CWC27: variants seen among roughly 807,000 people sequenced by gnomAD.
CWC27 encodes spliceosome-associated protein CWC27 homolog.
In CWC27, 47 loss-of-function variants were observed where a neutral mutation model predicts 63.6. The observed-to-expected ratio is 0.74, with a 90% CI of 0.58 to 0.94. The LOEUF is 0.94. CWC27 is among the 40% of genes least tolerant of loss of function. The probability of loss-of-function intolerance (pLI) is 0.00; values close to 1 mark genes in which losing one functional copy is unlikely to be tolerated. For synonymous variants in CWC27, 175 were observed against 179.8 expected (o/e 0.97, Z 0.22); for missense variants, 495 against 554.3 (o/e 0.89, Z 1.07).
At chr5:65,005,426 T>A (rs1749824058) in intron 13 of CWC27, among the ~76,000 whole-genome samples, 1 of 152,054 alleles carries the variant, frequency 6.6e-6, no homozygotes, top group African/African-American at 2.4e-5. Context: ...ATGACACCTG[T>A]GGGCATTGGC....
At chr5:64,770,945 A>G (rs1220069982) in intron 1 of CWC27, among the ~76,000 whole-genome samples, 1 of 152,232 alleles carries the variant, frequency 6.6e-6, no homozygotes, top group Non-Finnish European at 1.5e-5. Flanking sequence ...ATCAATTGCC[A>G]GGCTCTATGC....
intron 7 of CWC27, among the ~76,000 whole-genome samples, chr5:64,791,588 A>G (rs937631899): frequency 6.6e-6 from 1 of 152,032 alleles, no homozygotes; most frequent in African/African-American, 2.4e-5. Context: ...TTATCCTAGT[A>G]TTGTGTCATC....
At chr5:64,839,938 G>A (rs191914678) in intron 10 of CWC27, among the ~76,000 whole-genome samples, 1 of 152,046 alleles carries the variant, frequency 6.6e-6, no homozygotes, top group African/African-American at 2.4e-5. Context: ...TCCTATAAAG[G>A]GACATTGTAA....
chr5:65,018,225 A>G lies in CWC27; in HGVS notation c.1323A>G (p.Ser441=), dbSNP rs1750084762. The G allele has an allele frequency of 6.2e-7, 1 of 1,610,522 alleles. No individual in the cohort carries two copies. The highest frequency in any genetic ancestry group is 8.5e-7 in the Non-Finnish European group (1 of 1,178,720). The change falls in exon 14 of 14, where the codon TCA becomes TCG. Residue 441 remains serine, a synonymous_variant. Transcript: ENST00000381070. ...RKVKDASMQD[S]DTFEIYDPRN... Reference sequence around the variant, plus strand: ...TGAAAGATGCAAGCATGCAAGACTCAGATACATTTGAAATCTATGATCCTC... The same window carrying G: ...TGAAAGATGCAAGCATGCAAGACTCGGATACATTTGAAATCTATGATCCTC...
At chr5:64,907,546 G>C (rs1747677092) in intron 11 of CWC27, among the ~76,000 whole-genome samples, 1 of 152,178 alleles carries the variant, frequency 6.6e-6, no homozygotes, top group African/African-American at 2.4e-5. Flanking sequence ...TTGCTTATCA[G>C]CTTAAGGAGA....
intron 11 of CWC27, among the ~76,000 whole-genome samples, chr5:64,934,158 T>C (rs563563363): frequency 6.6e-6 from 1 of 152,298 alleles, no homozygotes; most frequent in African/African-American, 2.4e-5. Context: ...AACGTGCAGG[T>C]TTGTTACATA....
At chr5:64,985,842 C>A in intron 13 of CWC27, among the ~76,000 whole-genome samples, 1 of 152,132 alleles carries the variant, frequency 6.6e-6, no homozygotes, top group East Asian at 1.9e-4. Context: ...TGGGGAAAAG[C>A]CTTCAGTCTT....
chr5:64,843,526 C>T (rs929403592), intron 10 of CWC27, among the ~76,000 whole-genome samples: 1 of 152,074 alleles, frequency 6.6e-6, no homozygotes, highest in Admixed American at 6.6e-5. Flanking sequence ...ACATAACTCC[C>T]AGGAGAGATT....
chr5:64,851,449 A>G (rs1304890349), intron 10 of CWC27, among the ~76,000 whole-genome samples: 1 of 152,184 alleles, frequency 6.6e-6, no homozygotes. Flanking sequence ...CAGGAGTGAT[A>G]TGTTGTTGGT....
intron 11 of CWC27, among the ~76,000 whole-genome samples, chr5:64,895,899 A>T (rs1747362159): frequency 6.6e-6 from 1 of 152,332 alleles, no homozygotes; most frequent in Admixed American, 6.5e-5. Flanking sequence ...AACAGATTGG[A>T]AACCTGGAAG....
chr5:64,993,590 G>A (rs1428405185), intron 13 of CWC27, among the ~76,000 whole-genome samples: 1 of 151,674 alleles, frequency 6.6e-6, no homozygotes, highest in African/African-American at 2.4e-5. Context: ...GAGGAGGAGA[G>A]TGGACAAGAT....
chr5:64,781,789 C>A (rs1743699918), intron 2 of CWC27, 132 bp from the exon 3 acceptor site: 1 of 467,132 alleles, frequency 2.1e-6, no homozygotes. Context: ...AAGGAGGATA[C>A]AAAAGGTTTT....
intron 11 of CWC27, among the ~76,000 whole-genome samples, chr5:64,898,509 A>G (rs768047575): frequency 7.2e-5 from 11 of 152,310 alleles, no homozygotes; most frequent in South Asian, 4.1e-4. Context: ...ACTTTGTTGT[A>G]TCAGACATTT....
intron 9 of CWC27, 79 bp from the exon 10 acceptor site, chr5:64,804,150 A>G: frequency 7.8e-7 from 1 of 1,282,022 alleles, no homozygotes; most frequent in Non-Finnish European, 1.1e-6. Flanking sequence ...CAATAAGGAG[A>G]TTCAGTGGAT....
intron 11 of CWC27, among the ~76,000 whole-genome samples, chr5:64,960,110 G>A (rs1379413399): frequency 6.6e-6 from 1 of 152,076 alleles, no homozygotes; most frequent in Non-Finnish European, 1.5e-5. Context: ...TATGGTCTGG[G>A]GGAGTTTAGG....
At chr5:64,938,546 T>C (rs1226219872) in intron 11 of CWC27, among the ~76,000 whole-genome samples, 2 of 152,212 alleles carry the variant, frequency 1.3e-5, no homozygotes, top group East Asian at 3.9e-4. Context: ...CATTTTTTCC[T>C]TCATTTCATC....
intron 10 of CWC27, among the ~76,000 whole-genome samples, chr5:64,874,902 A>C (rs1207325950): frequency 6.6e-6 from 1 of 151,918 alleles, no homozygotes; most frequent in Non-Finnish European, 1.5e-5. Flanking sequence ...TTTGTTTTTC[A>C]TGTTGAATTA....
intron 10 of CWC27, among the ~76,000 whole-genome samples, chr5:64,861,945 G>C (rs1475959800): frequency 6.6e-6 from 1 of 152,170 alleles, no homozygotes; most frequent in Non-Finnish European, 1.5e-5. Context: ...ATGTTACATA[G>C]ATACATGTAT....
At chr5:64,961,255 A>G (rs147462807) in intron 11 of CWC27, among the ~76,000 whole-genome samples, 190 of 152,324 alleles carry the variant, frequency 1.2e-3, no homozygotes, top group African/African-American at 4.4e-3. Flanking sequence ...ATGAGACACT[A>G]GCTAAGTAAT....
Sources: allele counts gnomAD v4.1 joint callset (sites outside exome capture counted in the v4.1 genomes callset), GRCh38; gene constraint gnomAD v4.1.1; transcripts MANE v1.5; gene names NCBI Gene and HGNC (gene_info 2026-07-23, HGNC 2026-07-21).